AP3S1: variants seen among roughly 807,000 people sequenced by gnomAD.
The protein encoded by AP3S1 is AP-3 complex subunit sigma-1.
A neutral mutation model predicts 21.3 loss-of-function variants in AP3S1; 12 were observed. The ratio of observed to expected loss-of-function variants is 0.56; its 90% CI spans 0.36 to 0.91. AP3S1 has a LOEUF of 0.91. Among genes scored for constraint, AP3S1 ranks in the 40% least tolerant of loss-of-function variants. The probability of loss-of-function intolerance (pLI) is 0.01; values close to 1 mark genes in which losing one functional copy is unlikely to be tolerated. For synonymous variants in AP3S1, 48 were observed against 78.4 expected (o/e 0.61, Z 2.05); for missense variants, 116 against 225.0 (o/e 0.52, Z 3.10).
intron 4 of AP3S1, among the ~76,000 whole-genome samples, chr5:115,896,488 A>G (rs1750763276): frequency 6.6e-6 from 1 of 152,204 alleles, no homozygotes; most frequent in Admixed American, 6.5e-5. Flanking sequence ...ATTCAAAATT[A>G]TGTTTGAAGA....
rs551403370 is a variant in AP3S1, at chr5:115,879,768, C to G, written c.273+9640C>G. Among the ~76,000 whole-genome samples the G allele has an allele frequency of 5.9e-5, 9 of 152,250 alleles. 1 individual carries two copies. In the South Asian group the frequency reaches 1.7e-3, roughly 28 times the overall value. On this transcript the variant is annotated intron_variant, in intron 3 of 5. Coordinates refer to ENST00000316788, the MANE Select transcript of AP3S1 (RefSeq NM_001284.4). ...CTTTTTCCATTGATCGGAGTAGTTT[C>G]AGAAGGAATGATACCATCTCCTCTT...
At chr5:115,880,692 G>A (rs904679545) in intron 3 of AP3S1, among the ~76,000 whole-genome samples, 1 of 152,154 alleles carries the variant, frequency 6.6e-6, no homozygotes, top group African/African-American at 2.4e-5. Context: ...TTGGGGTGGA[G>A]CATTCTGTAG....
intron 5 of AP3S1, among the ~76,000 whole-genome samples, chr5:115,912,644 T>A (rs923091675): frequency 6.6e-6 from 1 of 152,074 alleles, no homozygotes; most frequent in African/African-American, 2.4e-5. Flanking sequence ...AAGCTGAATA[T>A]ATGTTGCTGA....
At chr5:115,856,572 C>T (rs563487488) in intron 1 of AP3S1, among the ~76,000 whole-genome samples, 20 of 152,150 alleles carry the variant, frequency 1.3e-4, no homozygotes, top group African/African-American at 4.8e-4. Context: ...TCAAGGGATA[C>T]TTTTGGCTCA....
intron 3 of AP3S1, among the ~76,000 whole-genome samples, chr5:115,874,368 T>C (rs895726460): frequency 1.3e-5 from 2 of 152,088 alleles, no homozygotes; most frequent in Non-Finnish European, 2.9e-5. Flanking sequence ...TTATTAAATA[T>C]TAATGTTGGG....
At chr5:115,875,011 T>C (rs1003402230) in intron 3 of AP3S1, among the ~76,000 whole-genome samples, 2 of 152,180 alleles carry the variant, frequency 1.3e-5, no homozygotes, top group African/African-American at 2.4e-5. Flanking sequence ...AAAAAAGATA[T>C]TTCATGTGAA....
intron 1 of AP3S1, among the ~76,000 whole-genome samples, chr5:115,866,157 C>A (rs1401728949): frequency 1.3e-5 from 2 of 152,080 alleles, no homozygotes; most frequent in East Asian, 1.9e-4. Flanking sequence ...GTTTATTGAC[C>A]CAATCCTTGG....
intron 1 of AP3S1, among the ~76,000 whole-genome samples, chr5:115,864,817 A>C (rs1163867393): frequency 1.3e-5 from 2 of 152,234 alleles, no homozygotes; most frequent in Non-Finnish European, 2.9e-5. Context: ...GTGCTTCTGA[A>C]CAATGCCAGA....
At chr5:115,869,151 T>C (rs1414971729) in intron 2 of AP3S1, among the ~76,000 whole-genome samples, 3 of 152,206 alleles carry the variant, frequency 2.0e-5, no homozygotes. Flanking sequence ...AAAATATGTT[T>C]GGAATGATTC....
intron 1 of AP3S1, among the ~76,000 whole-genome samples, chr5:115,843,937 G>A (rs751561370): frequency 2.6e-5 from 4 of 152,168 alleles, no homozygotes; most frequent in Non-Finnish European, 5.9e-5. Flanking sequence ...CAGCTCTGGT[G>A]GCATTTTTGG....
intron 3 of AP3S1, among the ~76,000 whole-genome samples, chr5:115,885,548 T>C (rs156660): frequency 0.15 from 22,514 of 152,174 alleles, 2,253 homozygotes; most frequent in Middle Eastern, 0.24. Context: ...TAACCTTCTT[T>C]TGCCTGCTTT....
chr5:115,890,174 T>C (rs549172157), intron 3 of AP3S1, among the ~76,000 whole-genome samples: 55 of 152,332 alleles, frequency 3.6e-4, no homozygotes, highest in African/African-American at 1.3e-3. Flanking sequence ...TGTGTATACG[T>C]ATATATATGT....
intron 1 of AP3S1, among the ~76,000 whole-genome samples, chr5:115,862,594 T>A (rs1763282859): frequency 6.6e-6 from 1 of 152,252 alleles, no homozygotes; most frequent in African/African-American, 2.4e-5. Flanking sequence ...TGTACTACTG[T>A]AATAATTCCA....
chr5:115,850,302 G>A (rs1487272743), intron 1 of AP3S1, among the ~76,000 whole-genome samples: 3 of 152,078 alleles, frequency 2.0e-5, no homozygotes, highest in Non-Finnish European at 4.4e-5. Flanking sequence ...CCTATTTCCT[G>A]TCATTAATAT....
chr5:115,898,113 G>A (rs1222266058), intron 4 of AP3S1, among the ~76,000 whole-genome samples: 2 of 152,152 alleles, frequency 1.3e-5, no homozygotes, highest in African/African-American at 2.4e-5. Flanking sequence ...GGGATCCATG[G>A]TAACAAAGCT....
intron 4 of AP3S1, among the ~76,000 whole-genome samples, chr5:115,896,284 A>G (rs1328706041): frequency 6.6e-6 from 1 of 152,234 alleles, no homozygotes; most frequent in Non-Finnish European, 1.5e-5. Context: ...CTCTTTGGCC[A>G]GTATTCTAGA....
intron 3 of AP3S1, among the ~76,000 whole-genome samples, chr5:115,884,856 C>T (rs1749642087): frequency 6.6e-6 from 1 of 152,042 alleles, no homozygotes; most frequent in South Asian, 2.1e-4. Flanking sequence ...TACATGTTGA[C>T]TTGAGAGGCC....
chr5:115,904,863 C>T (rs571260311), intron 5 of AP3S1, among the ~76,000 whole-genome samples: 6 of 152,196 alleles, frequency 3.9e-5, no homozygotes, highest in African/African-American at 1.2e-4. Flanking sequence ...GTGATGCAAT[C>T]CTTTAATAAC....
chr5:115,875,611 A>C (rs557358171), intron 3 of AP3S1, among the ~76,000 whole-genome samples: 1 of 152,276 alleles, frequency 6.6e-6, no homozygotes, highest in South Asian at 2.1e-4. Flanking sequence ...GTCCCAGAGG[A>C]AGATGAGTTT....
Sources: allele counts gnomAD v4.1 joint callset (sites outside exome capture counted in the v4.1 genomes callset), GRCh38; gene constraint gnomAD v4.1.1; transcripts MANE v1.5; gene names NCBI Gene and HGNC (gene_info 2026-07-23, HGNC 2026-07-21).